Variants in RAD51B observed in about 807,000 individuals in gnomAD.
RAD51B encodes the protein DNA repair protein RAD51 homolog 2.
A neutral mutation model predicts 42.2 loss-of-function variants in RAD51B; 38 were observed. The ratio of observed to expected loss-of-function variants is 0.90; its 90% CI spans 0.70 to 1.18. The LOEUF is 1.18. Among genes scored for constraint, RAD51B ranks in the 50% most tolerant of loss-of-function variants. RAD51B has a pLI of 0.00. For missense variants in RAD51B, 373 were observed against 400.7 expected (o/e 0.93, Z 0.59); for synonymous variants, 154 against 145.2 (o/e 1.06, Z -0.43).
chr14:68,005,865 A>G (rs1339715155), intron 7 of RAD51B, among the ~76,000 whole-genome samples: 1 of 152,180 alleles, frequency 6.6e-6, no homozygotes, highest in Non-Finnish European at 1.5e-5. Context: ...GGGAGGCCTC[A>G]AGAAACTTTG....
chr14:68,217,243 G>T (rs2079834631), intron 7 of RAD51B, among the ~76,000 whole-genome samples: 1 of 152,148 alleles, frequency 6.6e-6, no homozygotes, highest in Non-Finnish European at 1.5e-5. Context: ...GTTCCCCACT[G>T]CTGCTTTCAG....
chr14:68,260,467 A>G (rs2080866162), intron 7 of RAD51B, among the ~76,000 whole-genome samples: 1 of 152,286 alleles, frequency 6.6e-6, no homozygotes, highest in South Asian at 2.1e-4. Flanking sequence ...AGGAGCCTTC[A>G]GAAATTAAGA....
At chr14:68,316,601 T>G (rs1265833201) in intron 8 of RAD51B, among the ~76,000 whole-genome samples, 2 of 152,156 alleles carry the variant, frequency 1.3e-5, no homozygotes, top group Non-Finnish European at 2.9e-5. Flanking sequence ...GTGGCGACTC[T>G]CCTTTCCTTC....
chr14:68,434,521 A>T (rs530671397), intron 9 of RAD51B, among the ~76,000 whole-genome samples: 1 of 152,318 alleles, frequency 6.6e-6, no homozygotes, highest in Admixed American at 6.5e-5. Flanking sequence ...GCGAGGCTCC[A>T]TGGGCATGGG....
chr14:68,141,631 AT>A (rs1454525645), intron 7 of RAD51B, among the ~76,000 whole-genome samples: 1 of 152,068 alleles, frequency 6.6e-6, no homozygotes, highest in Non-Finnish European at 1.5e-5. Context: ...TAACATTATT[AT>A]TTGGTTTAAG....
chr14:68,319,322 A>C (rs1369686738), intron 8 of RAD51B, among the ~76,000 whole-genome samples: 1 of 152,210 alleles, frequency 6.6e-6, no homozygotes, highest in African/African-American at 2.4e-5. Context: ...ACCTACTCAT[A>C]CTTCAAAATT....
intron 8 of RAD51B, among the ~76,000 whole-genome samples, chr14:68,357,575 C>T (rs1423433949): frequency 1.3e-5 from 2 of 152,014 alleles, no homozygotes; most frequent in East Asian, 3.9e-4. Context: ...CAGCTATAGC[C>T]TTACAAATTG....
intron 8 of RAD51B, chr14:68,306,784 T>C: frequency 2.8e-6 from 1 of 357,034 alleles, no homozygotes; most frequent in Admixed American, 3.1e-5. Flanking sequence ...GGGAAAGACC[T>C]GGTAGAGAAA....
At chr14:68,067,465 G>GAA (rs35062985) in intron 7 of RAD51B, among the ~76,000 whole-genome samples, 1 of 95,902 alleles carries the variant, frequency 1.0e-5, no homozygotes, top group Non-Finnish European at 2.2e-5. Context: ...CTCCATCTCG[G>GAA]AAAAAAAAAA....
intron 7 of RAD51B, among the ~76,000 whole-genome samples, chr14:68,228,849 T>G (rs1412217611): frequency 3.3e-5 from 5 of 152,216 alleles, no homozygotes; most frequent in Non-Finnish European, 7.3e-5. Context: ...GGATTTAATC[T>G]AAATGATTGC....
At chr14:68,538,224 T>C (rs1887755542) in intron 10 of RAD51B, among the ~76,000 whole-genome samples, 1 of 152,190 alleles carries the variant, frequency 6.6e-6, no homozygotes. Context: ...GCACCTTTGA[T>C]GTGAGCAACA....
At chr14:68,091,068 A>G (rs1362633488) in intron 7 of RAD51B, among the ~76,000 whole-genome samples, 1 of 151,926 alleles carries the variant, frequency 6.6e-6, no homozygotes, top group Non-Finnish European at 1.5e-5. Flanking sequence ...TCCATGGCGT[A>G]TATGTGCCAC....
intron 8 of RAD51B, among the ~76,000 whole-genome samples, chr14:68,381,075 C>T (rs1432708866): frequency 6.6e-6 from 1 of 152,186 alleles, no homozygotes; most frequent in Non-Finnish European, 1.5e-5. Context: ...TTTCCTATTT[C>T]CCCATATATC....
intron 7 of RAD51B, among the ~76,000 whole-genome samples, chr14:68,197,547 TTAACTC>T (rs1335999856): frequency 6.6e-6 from 1 of 152,174 alleles, no homozygotes; most frequent in Non-Finnish European, 1.5e-5. Context: ...AGACGAATGT[TTAACTC>T]TAAAATAAAG....
At chr14:68,064,272 A>AT (rs1435804458) in intron 7 of RAD51B, among the ~76,000 whole-genome samples, 1 of 152,052 alleles carries the variant, frequency 6.6e-6, no homozygotes, top group Non-Finnish European at 1.5e-5. Flanking sequence ...TGAACATGTG[A>AT]TTTTATTCTC....
chr14:68,032,059 G>A (rs577934099), intron 7 of RAD51B, among the ~76,000 whole-genome samples: 6 of 151,980 alleles, frequency 3.9e-5, no homozygotes, highest in Non-Finnish European at 8.8e-5. Flanking sequence ...ACTCAAATTT[G>A]TGTCTGTTAC....
chr14:68,184,119 G>T (rs1461105772), intron 7 of RAD51B, among the ~76,000 whole-genome samples: 1 of 151,418 alleles, frequency 6.6e-6, no homozygotes, highest in African/African-American at 2.4e-5. Flanking sequence ...AAAATTACCC[G>T]GGTATGGTGG....
At chr14:67,961,002 G>A (rs56128982) in intron 7 of RAD51B, among the ~76,000 whole-genome samples, 8,833 of 151,990 alleles carry the variant, frequency 0.058, 355 homozygotes, top group Non-Finnish European at 0.091. Context: ...TTGTTCGTTT[G>A]TTCATTCATT....
In RAD51B at chr14:68,110,895, C is replaced by T. The variant is rs558790780; in HGVS notation, c.757-180989C>T. Among the ~76,000 whole-genome samples the T allele has an allele frequency of 6.6e-5, 10 of 152,102 alleles. No homozygotes were observed. In the East Asian group the frequency reaches 9.7e-4, roughly 15 times the overall value. On this transcript the variant is annotated intron_variant, in intron 7 of 10. Coordinates refer to ENST00000471583, the MANE Select transcript of RAD51B (RefSeq NM_133510.4). ...TCCTCTATATGCATTTAGAATCATA[C>T]CTGTTTTTCAATTCTATATTTTGAC...
Sources: gnomAD v4.1 joint callset for allele counts (sites outside exome capture counted in the v4.1 genomes callset) on GRCh38, gnomAD v4.1.1 for gene constraint, MANE v1.5 for transcripts, NCBI Gene and HGNC (gene_info 2026-07-23, HGNC 2026-07-21) for gene names.